CEP112: variants seen among roughly 807,000 people sequenced by gnomAD.
The protein encoded by CEP112 is centrosomal protein of 112 kDa.
Under a neutral mutation model 153.0 loss-of-function variants are expected in CEP112, and 127 were observed. That is an observed-to-expected ratio of 0.83 (90% confidence interval 0.72 to 0.96). CEP112 has a LOEUF of 0.96. Ranked by LOEUF, CEP112 falls within the 40% of genes least tolerant of loss-of-function variation. CEP112 has a pLI of 0.00. For missense variants in CEP112, 1,089 were observed against 1,101.2 expected (o/e 0.99, Z 0.16); for synonymous variants, 358 against 374.4 (o/e 0.96, Z 0.51).
chr17:65,745,528 T>G (rs1048331076), intron 22 of CEP112, among the ~76,000 whole-genome samples: 1 of 152,158 alleles, frequency 6.6e-6, no homozygotes, highest in Non-Finnish European at 1.5e-5. Flanking sequence ...AATATGAAAT[T>G]TAAGATTGAT....
intron 24 of CEP112, among the ~76,000 whole-genome samples, chr17:65,654,056 C>CAAAAAAAAAAAAAAAAAAAAAAAAAAA (rs773433478): frequency 9.7e-4 from 26 of 26,876 alleles, no homozygotes; most frequent in Non-Finnish European, 1.5e-3. Flanking sequence ...AAGACTCCAT[C>CAAAAAAAAAAAAAAAAAAAAAAAAAAA]AAAAAAAAAA....
intron 23 of CEP112, among the ~76,000 whole-genome samples, chr17:65,695,267 G>C (rs1876857919): frequency 6.6e-6 from 1 of 152,194 alleles, no homozygotes. Flanking sequence ...AAAATAATGA[G>C]AGCAAATTAA....
At chr17:65,673,246 T>G (rs558251571) in intron 24 of CEP112, among the ~76,000 whole-genome samples, 1 of 152,324 alleles carries the variant, frequency 6.6e-6, no homozygotes, top group Admixed American at 6.5e-5. Flanking sequence ...TCCTTGCGAC[T>G]GCTATTCCTC....
At chr17:66,035,933 T>C (rs1049358748) in intron 12 of CEP112, among the ~76,000 whole-genome samples, 1 of 152,128 alleles carries the variant, frequency 6.6e-6, no homozygotes, top group South Asian at 2.1e-4. Context: ...AGCCTCCAAA[T>C]ACACATCCAC....
At chr17:66,174,221 C>T (rs1440134559) in intron 4 of CEP112, among the ~76,000 whole-genome samples, 1 of 152,200 alleles carries the variant, frequency 6.6e-6, no homozygotes, top group Non-Finnish European at 1.5e-5. Flanking sequence ...AGCCACCATG[C>T]CCGGCCTGTT....
At chr17:65,677,945 C>CT (rs1283117051) in intron 24 of CEP112, among the ~76,000 whole-genome samples, 1 of 152,092 alleles carries the variant, frequency 6.6e-6, no homozygotes, top group Non-Finnish European at 1.5e-5. Flanking sequence ...TAAATCTCTG[C>CT]TTTTTCATTT....
intron 12 of CEP112, 78 bp from the exon 13 acceptor site, chr17:66,030,101 A>G: frequency 1.7e-6 from 2 of 1,156,032 alleles, no homozygotes; most frequent in Non-Finnish European, 1.2e-6. Flanking sequence ...CTTGAGGAAC[A>G]CGTATAATCT....
chr17:66,130,626 A>G (rs538349625), intron 5 of CEP112, among the ~76,000 whole-genome samples: 3 of 152,096 alleles, frequency 2.0e-5, no homozygotes, highest in Admixed American at 2.0e-4. Flanking sequence ...ATACAAAAAA[A>G]TTAGCCGGGC....
At chr17:66,048,111 T>C (rs5001971) in intron 12 of CEP112, among the ~76,000 whole-genome samples, 1 of 151,688 alleles carries the variant, frequency 6.6e-6, no homozygotes. Flanking sequence ...TTTTTTTTTT[T>C]ATTTTTTTGA....
intron 20 of CEP112, among the ~76,000 whole-genome samples, chr17:65,899,992 T>G (rs572766470): frequency 6.6e-6 from 1 of 152,306 alleles, no homozygotes; most frequent in East Asian, 1.9e-4. Context: ...TAAAAGGTAT[T>G]ATACATTACA....
intron 4 of CEP112, among the ~76,000 whole-genome samples, chr17:66,168,624 C>T (rs118125578): frequency 0.034 from 5,204 of 151,976 alleles, 129 homozygotes; most frequent in Middle Eastern, 0.061. Flanking sequence ...CAATTTCTCA[C>T]CTAGGAGTCC....
chr17:65,795,645 C>G (rs1266240404), intron 21 of CEP112, among the ~76,000 whole-genome samples: 1 of 152,012 alleles, frequency 6.6e-6, no homozygotes, highest in Non-Finnish European at 1.5e-5. Flanking sequence ...AACCTCTTCC[C>G]TACCAAAAGT....
In CEP112 at chr17:66,183,223, G is replaced by T. The variant is rs772402349; in HGVS notation, c.77C>A (p.Pro26His). The T allele has an allele frequency of 2.5e-6, 4 of 1,607,350 alleles. No individual in the cohort carries two copies. The Admixed American group carries it at 6.7e-5, about 27-fold the overall frequency. The change falls in exon 2 of 27, where the codon CCC becomes CAC. Residue 26 changes from proline (P) to histidine (H), a missense_variant. Pro to His is a moderately conservative substitution (Grantham distance 77). Coordinates refer to ENST00000535342, the MANE Select transcript of CEP112 (RefSeq NM_001199165.4). Reference protein sequence around the residue: ...EFDHFVVDMKPFVLKLPHRTE... With the variant: ...EFDHFVVDMKHFVLKLPHRTE... The stretch of plus-strand genomic sequence containing the variant: ...CCTATGAGGTAATTTTAGAACAAAG[G>T]GCTTCATATCAACCACAAAGTGATC...
rs1422506374 is a variant in CEP112 at position 66,132,737 on chromosome 17, C to T, written c.497G>A (p.Arg166Gln). ...YSREQYTGKLRVRSHSLSPTH... is the reference protein window; with the variant it reads ...YSREQYTGKLQVRSHSLSPTH... ...TGGACTCAAGGAGTGTGATCTCACT[C>T]GGAGCTTCCCAGTGTACTGTTCCCT... The change falls in exon 5 of 27, where the codon CGA becomes CAA. Residue 166 changes from arginine to glutamine, a missense_variant. Transcript: ENST00000535342. The T allele has an allele frequency of 5.0e-6, 8 of 1,613,470 alleles. No homozygotes were observed. Among genetic ancestry groups the T allele is most frequent in the Admixed American group, 1.7e-5 (1 of 60,000 alleles).
intron 12 of CEP112, among the ~76,000 whole-genome samples, chr17:66,038,030 A>G (rs1169509319): frequency 6.7e-6 from 1 of 148,554 alleles, no homozygotes; most frequent in East Asian, 2.0e-4. Flanking sequence ...TACAACAGGG[A>G]GTCGGAGGTT....
chr17:65,825,022 C>T (rs2056770609), intron 21 of CEP112, among the ~76,000 whole-genome samples: 1 of 152,214 alleles, frequency 6.6e-6, no homozygotes, highest in African/African-American at 2.4e-5. Flanking sequence ...GATATTTACA[C>T]ATCCATGTTC....
At chr17:65,833,028 C>T (rs889958326) in intron 21 of CEP112, among the ~76,000 whole-genome samples, 3 of 152,104 alleles carry the variant, frequency 2.0e-5, no homozygotes, top group African/African-American at 7.3e-5. Context: ...AGACGTCATC[C>T]CCAGAATGCA....
At chr17:65,677,805 C>A (rs539111169) in intron 24 of CEP112, among the ~76,000 whole-genome samples, 1 of 152,162 alleles carries the variant, frequency 6.6e-6, no homozygotes, top group East Asian at 1.9e-4. Flanking sequence ...CTCAGCTACT[C>A]AGGAGGCTGA....
intron 4 of CEP112, among the ~76,000 whole-genome samples, chr17:66,169,336 T>C (rs1308831363): frequency 1.4e-5 from 2 of 144,590 alleles, no homozygotes; most frequent in Non-Finnish European, 3.0e-5. Flanking sequence ...CAGGCTGGAA[T>C]GCAGTGGTGC....
Sources: gnomAD v4.1 joint callset for allele counts (sites outside exome capture counted in the v4.1 genomes callset) on GRCh38, gnomAD v4.1.1 for gene constraint, MANE v1.5 for transcripts, NCBI Gene and HGNC (gene_info 2026-07-23, HGNC 2026-07-21) for gene names.